The following DNAH9 variants were observed in gnomAD, a reference collection of about 807,000 sequenced individuals.
The protein encoded by DNAH9 is dynein axonemal heavy chain 9.
A neutral mutation model predicts 471.6 loss-of-function variants in DNAH9; 345 were observed. That is an observed-to-expected ratio of 0.73 (90% CI 0.67 to 0.80). The LOEUF (loss-of-function observed/expected upper bound fraction) is 0.80. Among genes scored for constraint, DNAH9 ranks in the 30% least tolerant of loss-of-function variants. The pLI is 0.00. For missense variants in DNAH9, 5,407 were observed against 5,609.2 expected (o/e 0.96, Z 1.15); for synonymous variants, 2,093 against 2,123.6 (o/e 0.99, Z 0.40).
chr17:11,916,337 A>T (rs897878374), intron 61 of DNAH9, among the ~76,000 whole-genome samples: 1 of 152,142 alleles, frequency 6.6e-6, no homozygotes, highest in Non-Finnish European at 1.5e-5. Flanking sequence ...CTTAATCTTA[A>T]TGGATATTTT....
chr17:11,890,199 C>T (rs1484071707), intron 57 of DNAH9, among the ~76,000 whole-genome samples: 1 of 152,040 alleles, frequency 6.6e-6, no homozygotes, highest in Non-Finnish European at 1.5e-5. Context: ...CAGGAGAAAG[C>T]TCTCCACTCT....
At chr17:11,810,216 A>G in intron 44 of DNAH9, 30 bp from the exon 45 acceptor site, 1 of 1,589,890 alleles carries the variant, frequency 6.3e-7, no homozygotes, top group Non-Finnish European at 8.5e-7. Flanking sequence ...CCTTCTTTTC[A>G]GAGATTTCTG....
intron 28 of DNAH9, among the ~76,000 whole-genome samples, chr17:11,733,860 C>CAAA (rs57515310): frequency 0.14 from 16,273 of 112,414 alleles, 1,405 homozygotes; most frequent in Admixed American, 0.18. Flanking sequence ...GACTCCATCT[C>CAAA]AAAAAAAAAA....
chr17:11,925,801 C>G (rs1974300561), intron 62 of DNAH9, among the ~76,000 whole-genome samples: 1 of 152,040 alleles, frequency 6.6e-6, no homozygotes, highest in South Asian at 2.1e-4. Context: ...GAAAATTGTG[C>G]CAAATAATCT....
At chr17:11,801,882 T>C (rs1254999766) in intron 43 of DNAH9, among the ~76,000 whole-genome samples, 5 of 152,098 alleles carry the variant, frequency 3.3e-5, no homozygotes, top group Non-Finnish European at 4.4e-5. Context: ...CAAACTAATA[T>C]TGTTTTTAGA....
chr17:11,685,020 T>C (rs1038813100), intron 19 of DNAH9, among the ~76,000 whole-genome samples: 3 of 152,204 alleles, frequency 2.0e-5, no homozygotes, highest in African/African-American at 7.2e-5. Flanking sequence ...GGTTATGGTC[T>C]CAGCAGTGGA....
intron 40 of DNAH9, 75 bp downstream of exon 40, chr17:11,783,823 T>C (rs1259248856): frequency 7.9e-7 from 1 of 1,271,382 alleles, no homozygotes; most frequent in Non-Finnish European, 1.1e-6. Context: ...ATAAGTATAA[T>C]AATTGGCCTT....
intron 29 of DNAH9, among the ~76,000 whole-genome samples, chr17:11,740,242 C>G (rs945524479): frequency 3.9e-5 from 6 of 152,184 alleles, no homozygotes; most frequent in Admixed American, 2.0e-4. Flanking sequence ...AGAATTCTTT[C>G]TTACCTTTTT....
intron 64 of DNAH9, among the ~76,000 whole-genome samples, chr17:11,933,351 A>T (rs1334044326): frequency 6.6e-6 from 1 of 150,700 alleles, no homozygotes. Context: ...TCCTGTCTTC[A>T]CTCTTTGATG....
At chr17:11,632,489 T>A in intron 7 of DNAH9, 98 bp from the exon 8 acceptor site, 3 of 681,362 alleles carry the variant, frequency 4.4e-6, no homozygotes, top group Non-Finnish European at 8.0e-6. Flanking sequence ...AATTCTTTGG[T>A]ATAACCAGTT....
rs376874897 is a variant in DNAH9 at position 11,747,722 on chromosome 17, A to T, written c.6566A>T (p.Glu2189Val). 3 of 1,613,978 alleles carry T rather than the reference A, an allele frequency of 1.9e-6. No individual in the cohort carries two copies. Among genetic ancestry groups the T allele is most frequent in the Non-Finnish European group, 2.5e-6 (3 of 1,180,008 alleles). The change falls in exon 32 of 69, where the codon GAG becomes GTG. Residue 2189 changes from glutamate (E) to valine (V), a missense_variant. Glu to Val is a moderately radical substitution (Grantham distance 121, BLOSUM62 -2). Around this residue, in one of 3 missense-constraint regions of DNAH9, gnomAD observed 4,636 missense variants for 4,900.3 expected, o/e 0.95. Transcript: ENST00000262442. ...DLNPKAVTND[E>V]LFGIINPATG... ...AATCCCAAAGCAGTCACAAATGATG[A>T]GCTCTTTGGCATCATCAATCCAGCC...
intron 26 of DNAH9, 196 bp downstream of exon 26, chr17:11,705,381 C>G (rs2074682108): frequency 3.7e-6 from 2 of 545,360 alleles, no homozygotes; most frequent in Non-Finnish European, 6.5e-6. Context: ...AATCCCAGAG[C>G]AAATCAATGA....
At chr17:11,874,389 C>T (rs1972395159) in intron 52 of DNAH9, among the ~76,000 whole-genome samples, 1 of 152,190 alleles carries the variant, frequency 6.6e-6, no homozygotes, top group South Asian at 2.1e-4. Flanking sequence ...GCAGCTTCCC[C>T]ACAGGCACCA....
At chr17:11,768,654 TGC>T in intron 37 of DNAH9, 28 bp downstream of exon 37, 3 of 1,603,568 alleles carry the variant, frequency 1.9e-6, no homozygotes, top group Non-Finnish European at 2.6e-6. Context: ...GCCGAGGACG[TGC>T]GTGCAGTTGC....
At chr17:11,782,982 T>C (rs1167734939) in intron 39 of DNAH9, among the ~76,000 whole-genome samples, 1 of 152,242 alleles carries the variant, frequency 6.6e-6, no homozygotes, top group Non-Finnish European at 1.5e-5. Flanking sequence ...CTGTCCCCAC[T>C]CTCTTATCTC....
chr17:11,686,051 G>T (rs543737868), intron 19 of DNAH9, among the ~76,000 whole-genome samples: 1 of 152,014 alleles, frequency 6.6e-6, no homozygotes, highest in South Asian at 2.1e-4. Context: ...TGATCCACCC[G>T]CCTCGGCCTC....
At chr17:11,842,917 C>T (rs1971079103) in intron 49 of DNAH9, among the ~76,000 whole-genome samples, 1 of 152,230 alleles carries the variant, frequency 6.6e-6, no homozygotes, top group Admixed American at 6.5e-5. Context: ...ATCAAGTTGA[C>T]ACTTCATGTT....
At chr17:11,939,970 G>A (rs1400392690) in intron 66 of DNAH9, among the ~76,000 whole-genome samples, 1 of 152,124 alleles carries the variant, frequency 6.6e-6, no homozygotes, top group Non-Finnish European at 1.5e-5. Context: ...ATAGAGTTAT[G>A]TACACTGAAG....
At chr17:11,644,560 C>A (rs1055316049) in intron 10 of DNAH9, 71 bp from the exon 11 acceptor site, 2 of 1,105,356 alleles carry the variant, frequency 1.8e-6, no homozygotes, top group Non-Finnish European at 1.4e-6. Context: ...TTGGAGACTG[C>A]AGTTTGTTCC....
Sources: allele counts gnomAD v4.1 joint callset (sites outside exome capture counted in the v4.1 genomes callset), GRCh38; gene constraint gnomAD v4.1.1; regional missense constraint gnomAD v4.1.1; transcripts MANE v1.5; gene names NCBI Gene and HGNC (gene_info 2026-07-23, HGNC 2026-07-21).